Variants in STRN observed in about 807,000 individuals in gnomAD.
The protein encoded by STRN is striatin.
In STRN, 53 loss-of-function variants were observed where a neutral mutation model predicts 96.3. That is an observed-to-expected ratio of 0.55 (90% CI 0.44 to 0.69). STRN has a LOEUF of 0.69. Ranked by LOEUF, STRN falls within the 30% of genes least tolerant of loss-of-function variation. STRN has a pLI of 0.00. For missense variants in STRN, 987 were observed against 963.9 expected (o/e 1.02, Z -0.32); for synonymous variants, 428 against 355.9 (o/e 1.20, Z -2.28).
chr2:36,896,848 TGAC>T (rs1196602823), intron 6 of STRN, among the ~76,000 whole-genome samples: 1 of 152,156 alleles, frequency 6.6e-6, no homozygotes, highest in East Asian at 1.9e-4. Flanking sequence ...TAACTGGTGA[TGAC>T]GAGAATACTG....
chr2:36,869,024 A>G (rs994210299), intron 11 of STRN, among the ~76,000 whole-genome samples: 1 of 152,184 alleles, frequency 6.6e-6, no homozygotes, highest in African/African-American at 2.4e-5. Context: ...GGCCAAGGTG[A>G]GCACTAGCAG....
intron 9 of STRN, among the ~76,000 whole-genome samples, chr2:36,883,586 A>T (rs1419818289): frequency 1.3e-5 from 2 of 152,228 alleles, no homozygotes; most frequent in African/African-American, 4.8e-5. Flanking sequence ...AATTGCTTAA[A>T]TATTTATATG....
At chr2:36,936,761 T>C (rs1027053826) in intron 1 of STRN, among the ~76,000 whole-genome samples, 4 of 152,226 alleles carry the variant, frequency 2.6e-5, no homozygotes, top group Non-Finnish European at 5.9e-5. Context: ...TTATTTTTGA[T>C]GTTACCAGCC....
intron 5 of STRN, 147 bp downstream of exon 5, chr2:36,902,437 C>T: frequency 2.0e-6 from 1 of 511,044 alleles, no homozygotes. Flanking sequence ...TCCTTGTTAC[C>T]TTCTAACCAA....
intron 1 of STRN, among the ~76,000 whole-genome samples, chr2:36,945,335 CAAAATAACATTATCA>C (rs1670952517): frequency 6.6e-6 from 1 of 152,136 alleles, no homozygotes; most frequent in Admixed American, 6.6e-5. Context: ...TACCTGAGTT[CAAAATAACATTATCA>C]AAAATACATA....
At chr2:36,862,986 G>A (rs1668531554) in intron 12 of STRN, among the ~76,000 whole-genome samples, 1 of 152,144 alleles carries the variant, frequency 6.6e-6, no homozygotes, top group African/African-American at 2.4e-5. Context: ...GCCTCCCAAA[G>A]TGCTGGGATT....
intron 10 of STRN, among the ~76,000 whole-genome samples, chr2:36,876,197 T>C (rs1205970154): frequency 6.6e-6 from 1 of 150,916 alleles, no homozygotes; most frequent in African/African-American, 2.4e-5. Flanking sequence ...TTGAGCCCGG[T>C]GGGGCGGAGG....
rs958136925 is a variant in STRN at position 36,848,009 on chromosome 2, T to C, written c.*1447A>G. On this transcript the variant is annotated 3_prime_UTR_variant, in exon 18 of 18. Transcript: ENST00000263918. ...GGTCTCTGTCATTTGGGACAAAGAGTAAGAGAGACATAAACCACTATAGAA... is the reference window on the plus strand; with the variant it reads ...GGTCTCTGTCATTTGGGACAAAGAGCAAGAGAGACATAAACCACTATAGAA... 3 of 152,088 alleles carry C rather than the reference T, an allele frequency of 2.0e-5. No individual in the cohort carries two copies. The highest frequency in any genetic ancestry group is 4.8e-5 in the African/African-American group (2 of 41,420). 9.4% of individuals were successfully genotyped at this position (152,088 alleles called of 1,614,324 possible).
At chr2:36,941,011 A>T (rs1670832340) in intron 1 of STRN, among the ~76,000 whole-genome samples, 1 of 151,928 alleles carries the variant, frequency 6.6e-6, no homozygotes, top group African/African-American at 2.4e-5. Context: ...AAATTAGCTG[A>T]ACATGGTGGC....
chr2:36,897,953 G>A (rs1229845651), intron 6 of STRN, among the ~76,000 whole-genome samples: 1 of 151,972 alleles, frequency 6.6e-6, no homozygotes, highest in African/African-American at 2.4e-5. Context: ...AGCCTCCTGA[G>A]TAGCTGGGGT....
At chr2:36,948,555 G>A (rs572789187) in intron 1 of STRN, among the ~76,000 whole-genome samples, 23 of 152,268 alleles carry the variant, frequency 1.5e-4, no homozygotes, top group African/African-American at 5.3e-4. Flanking sequence ...ATAGGTGTTG[G>A]AGATATTTGT....
chr2:36,854,522 C>A (rs1234943772), intron 15 of STRN, among the ~76,000 whole-genome samples: 11 of 152,122 alleles, frequency 7.2e-5, no homozygotes, highest in African/African-American at 2.7e-4. Context: ...ACCACAAGAA[C>A]ATATGTAAAC....
At chr2:36,941,472 C>T (rs1364260643) in intron 1 of STRN, among the ~76,000 whole-genome samples, 1 of 151,900 alleles carries the variant, frequency 6.6e-6, no homozygotes, top group Admixed American at 6.6e-5. Context: ...GAATTATTTC[C>T]TTTGAATTTG....
chr2:36,950,216 T>TG (rs1553406114), intron 1 of STRN, among the ~76,000 whole-genome samples: 1 of 142,298 alleles, frequency 7.0e-6, no homozygotes, highest in Non-Finnish European at 1.5e-5. Context: ...TGGTTTTGTT[T>TG]TTTTTTTTTT....
chr2:36,905,691 T>C, intron 3 of STRN, 73 bp from the exon 4 acceptor site: 3 of 1,241,164 alleles, frequency 2.4e-6, no homozygotes, highest in African/African-American at 1.5e-5. Flanking sequence ...ATTAATAACG[T>C]CCAATAAACA....
chr2:36,956,913 C>T (rs543397977), intron 1 of STRN, among the ~76,000 whole-genome samples: 64 of 152,296 alleles, frequency 4.2e-4, no homozygotes, highest in African/African-American at 1.1e-3. Flanking sequence ...AATTCTTCTA[C>T]TGAACGCAGC....
chr2:36,874,600 A>T (rs542959920), intron 10 of STRN, among the ~76,000 whole-genome samples: 203 of 152,126 alleles, frequency 1.3e-3, no homozygotes, highest in Non-Finnish European at 2.4e-3. Context: ...AAAAAAATAG[A>T]CACAGATAAT....
At chr2:36,901,429 G>A (rs986350706) in intron 5 of STRN, among the ~76,000 whole-genome samples, 1 of 151,922 alleles carries the variant, frequency 6.6e-6, no homozygotes, top group Non-Finnish European at 1.5e-5. Flanking sequence ...GCACGCGCCT[G>A]TAGTCTCAGC....
intron 1 of STRN, among the ~76,000 whole-genome samples, chr2:36,957,755 T>TG (rs1558670007): frequency 2.0e-5 from 2 of 101,796 alleles, no homozygotes; most frequent in South Asian, 3.7e-4. Flanking sequence ...TTTTTTTTTT[T>TG]TTTTTTTTTT....
Sources: gnomAD v4.1 joint callset for allele counts (sites outside exome capture counted in the v4.1 genomes callset) on GRCh38, gnomAD v4.1.1 for gene constraint, MANE v1.5 for transcripts, NCBI Gene and HGNC (gene_info 2026-07-23, HGNC 2026-07-21) for gene names.